MIB1: variants seen among roughly 807,000 people sequenced by gnomAD.
MIB1 encodes MIB E3 ubiquitin protein ligase 1, also known as E3 ubiquitin-protein ligase MIB1.
MIB1 carries 278 observed loss-of-function variants against 124.5 expected under a neutral mutation model. The observed-to-expected ratio is 2.23, with a 90% CI of 2.02 to 2.47. The LOEUF (loss-of-function observed/expected upper bound fraction) is 2.47, where lower values mean the gene tolerates loss of function less well. MIB1 is among the 30% of genes most tolerant of loss of function. MIB1 has a pLI of 0.00. For synonymous variants in MIB1, 446 were observed against 429.4 expected, an observed-to-expected ratio of 1.04 and a Z score of -0.48; for missense variants, 957 against 1,254.4, an observed-to-expected ratio of 0.76 and a Z score of 3.58.
intron 1 of MIB1, among the ~76,000 whole-genome samples, chr18:21,732,947 G>A (rs1443892981): frequency 2.0e-5 from 3 of 152,140 alleles, no homozygotes; most frequent in Non-Finnish European, 4.4e-5. Flanking sequence ...TGGCTCTCCA[G>A]AAAGTCAACA....
At chr18:21,766,007 G>T in intron 2 of MIB1, 64 bp downstream of exon 2, 3 of 1,493,574 alleles carry the variant, frequency 2.0e-6, no homozygotes, top group Non-Finnish European at 2.8e-6. Flanking sequence ...ATGTACTTCT[G>T]GGCCTTAAAA....
intron 7 of MIB1, among the ~76,000 whole-genome samples, chr18:21,793,628 A>G (rs1421584655): frequency 6.6e-6 from 1 of 151,618 alleles, no homozygotes; most frequent in African/African-American, 2.4e-5. Flanking sequence ...TAAAAATACA[A>G]AAATTAGCCA....
chr18:21,783,660 C>T (rs2041397965), intron 6 of MIB1, among the ~76,000 whole-genome samples: 1 of 151,338 alleles, frequency 6.6e-6, no homozygotes, highest in Admixed American at 6.6e-5. Flanking sequence ...TGTAACTCGT[C>T]TCTTCCTTTT....
rs2042340584 is a variant in MIB1 at position 21,869,320 on chromosome 18, T to G, written c.*4654T>G. ...AATAAACGTGCCATTTTGTCTGCAA[T>G]CTATAATTTCAGGAAGTTATTGAAA... On this transcript the variant is annotated 3_prime_UTR_variant, in exon 21 of 21. Transcript: ENST00000261537. 6.6e-6 allele frequency: 1 copy of G among 152,460 alleles called. No homozygotes were observed. The highest frequency in any genetic ancestry group is 2.4e-5 in the African/African-American group (1 of 41,454). The allele number at this position is 152,460 out of a possible 1,614,324, so 9.4% of individuals were successfully genotyped here.
chr18:21,832,699 C>G (rs2041995025), intron 12 of MIB1, among the ~76,000 whole-genome samples: 1 of 152,094 alleles, frequency 6.6e-6, no homozygotes, highest in Non-Finnish European at 1.5e-5. Context: ...AATATCATAG[C>G]AGTTTAATTA....
chr18:21,718,101 G>A (rs2040697841), intron 1 of MIB1, among the ~76,000 whole-genome samples: 1 of 152,218 alleles, frequency 6.6e-6, no homozygotes, highest in Non-Finnish European at 1.5e-5. Flanking sequence ...CCACCTGGAT[G>A]AGATTGGAGA....
At chr18:21,805,483 T>G (rs1418360901) in intron 10 of MIB1, among the ~76,000 whole-genome samples, 2 of 152,174 alleles carry the variant, frequency 1.3e-5, no homozygotes, top group Admixed American at 1.3e-4. Flanking sequence ...GTTACAAGTT[T>G]TGTTTTGGTA....
At chr18:21,748,674 A>G (rs1330357146) in intron 1 of MIB1, among the ~76,000 whole-genome samples, 1 of 148,060 alleles carries the variant, frequency 6.8e-6, no homozygotes, top group African/African-American at 2.5e-5. Context: ...CAAGTGATCC[A>G]TCTGCCTTGG....
In MIB1 at chr18:21,847,038, G is replaced by T; in HGVS notation, c.2306G>T (p.Arg769Leu). ...LAANGADLSI[R>L]NKKGQSPLDL... ...GCCAATGGTGCTGACCTGAGCATTC[G>T]AAATAAGAAGGGTCAATCGCCACTT... Residue 769 changes from arginine to leucine, a missense_variant, in exon 16 of 21, where the codon CGA (arginine) becomes CTA (leucine). Transcript: ENST00000261537. 2 of 1,614,068 alleles carry T rather than the reference G, an allele frequency of 1.2e-6. No homozygotes were observed. Among genetic ancestry groups the T allele is most frequent in the Non-Finnish European group, 1.7e-6 (2 of 1,180,006 alleles).
chr18:21,781,415 A>ATATATAT (rs1568199129), intron 6 of MIB1, among the ~76,000 whole-genome samples: 7 of 99,472 alleles, frequency 7.0e-5, no homozygotes, highest in Middle Eastern at 4.8e-3. Flanking sequence ...ATATATATAT[A>ATATATAT]AAATTATTAT....
Position 21,847,042 on chromosome 18 carries a change from TAAG to T in MIB1, c.2314_2316del (p.Lys772del). On this transcript the variant is annotated inframe_deletion, in exon 16 of 21. Coordinates refer to ENST00000261537, the MANE Select transcript of MIB1 (RefSeq NM_020774.4). ...ATGGTGCTGACCTGAGCATTCGAAA[TAAG>T]AAGGGTCAATCGCCACTTGATCTCT... is the stretch of plus-strand genomic sequence containing the variant. 1.9e-6 allele frequency: 3 copies of T among 1,614,170 alleles called. No individual in the cohort carries two copies. The highest frequency in any genetic ancestry group is 2.5e-6 in the Non-Finnish European group (3 of 1,180,034).
At chr18:21,835,200 A>AT (rs999253085) in intron 12 of MIB1, among the ~76,000 whole-genome samples, 109 of 150,526 alleles carry the variant, frequency 7.2e-4, no homozygotes, top group African/African-American at 1.4e-3. Context: ...ATATTTTAGA[A>AT]TTTTTTTTTT....
intron 17 of MIB1, among the ~76,000 whole-genome samples, chr18:21,851,593 A>G (rs1274322840): frequency 6.6e-6 from 1 of 152,214 alleles, no homozygotes; most frequent in Non-Finnish European, 1.5e-5. Flanking sequence ...GGAGGGAGGT[A>G]TAAACAAGCA....
intron 7 of MIB1, among the ~76,000 whole-genome samples, chr18:21,797,281 G>A (rs1198818164): frequency 6.6e-6 from 1 of 152,038 alleles, no homozygotes; most frequent in Non-Finnish European, 1.5e-5. Flanking sequence ...AATGGTTGAT[G>A]GGTACATGAG....
intron 1 of MIB1, among the ~76,000 whole-genome samples, chr18:21,746,062 T>C (rs954382751): frequency 6.6e-6 from 1 of 152,184 alleles, no homozygotes; most frequent in African/African-American, 2.4e-5. Context: ...AAAAGCCTTA[T>C]ATTTATCAGA....
upstream of MIB1, among the ~76,000 whole-genome samples, chr18:21,738,443 A>G (rs563896929): frequency 6.6e-6 from 1 of 152,198 alleles, no homozygotes; most frequent in Non-Finnish European, 1.5e-5. Context: ...TGTAGAGGGA[A>G]ATTTATAGCA....
chr18:21,850,080 C>T (rs2042168502), intron 17 of MIB1, among the ~76,000 whole-genome samples: 1 of 152,116 alleles, frequency 6.6e-6, no homozygotes, highest in South Asian at 2.1e-4. Context: ...AAATCTATAT[C>T]TACTCTGAAC....
At chr18:21,835,386 A>C (rs539929104) in intron 12 of MIB1, among the ~76,000 whole-genome samples, 1 of 152,318 alleles carries the variant, frequency 6.6e-6, no homozygotes. Flanking sequence ...GAATGTGGAC[A>C]TAAGAAGAGA....
At chr18:21,804,044 A>T in intron 10 of MIB1, 30 bp downstream of exon 10, 1 of 1,446,282 alleles carries the variant, frequency 6.9e-7, no homozygotes, top group Non-Finnish European at 9.7e-7. Flanking sequence ...ATTTTAAGTA[A>T]ACATTTATTT....
Sources: allele counts gnomAD v4.1 joint callset (sites outside exome capture counted in the v4.1 genomes callset), GRCh38; gene constraint gnomAD v4.1.1; transcripts MANE v1.5; gene names NCBI Gene and HGNC (gene_info 2026-07-23, HGNC 2026-07-21).